THSD7A: variants seen among roughly 807,000 people sequenced by gnomAD.
THSD7A encodes thrombospondin type-1 domain-containing protein 7A.
In THSD7A, 96 loss-of-function variants were observed where a neutral mutation model predicts 231.3. The observed-to-expected ratio is 0.41, with a 90% CI of 0.35 to 0.49. The LOEUF (loss-of-function observed/expected upper bound fraction) is 0.49. Among genes scored for constraint, THSD7A ranks in the 20% least tolerant of loss-of-function variants. The pLI is 0.05. For missense variants in THSD7A, 2,290 were observed against 2,070.2 expected (o/e 1.11, Z -2.06); for synonymous variants, 940 against 743.3 (o/e 1.26, Z -4.30).
At chr7:11,645,441 A>T (rs1163959526) in intron 1 of THSD7A, among the ~76,000 whole-genome samples, 1 of 151,854 alleles carries the variant, frequency 6.6e-6, no homozygotes, top group Non-Finnish European at 1.5e-5. Context: ...TATATTTTTA[A>T]ATACAGAGAT....
chr7:11,511,227 G>A (rs1787795017), intron 6 of THSD7A, among the ~76,000 whole-genome samples: 1 of 152,074 alleles, frequency 6.6e-6, no homozygotes, highest in Non-Finnish European at 1.5e-5. Flanking sequence ...AACTTACAAG[G>A]GATGTGAAGG....
At chr7:11,473,348 A>G (rs978383530) in intron 8 of THSD7A, among the ~76,000 whole-genome samples, 16 of 152,258 alleles carry the variant, frequency 1.1e-4, no homozygotes, top group South Asian at 4.1e-4. Context: ...TTAGATTACT[A>G]TTATATGTTT....
chr7:11,773,278 A>C (rs528089645), intron 1 of THSD7A, among the ~76,000 whole-genome samples: 2 of 152,338 alleles, frequency 1.3e-5, no homozygotes, highest in Non-Finnish European at 2.9e-5. Flanking sequence ...TCACGCCTGT[A>C]ATCTCAGCAC....
chr7:11,709,785 G>A (rs1054590947), intron 1 of THSD7A, among the ~76,000 whole-genome samples: 1 of 150,768 alleles, frequency 6.6e-6, no homozygotes, highest in Non-Finnish European at 1.5e-5. Context: ...AAGCCACAGA[G>A]AATACAGCAA....
At chr7:11,466,179 T>C (rs148094343) in intron 9 of THSD7A, among the ~76,000 whole-genome samples, 73 of 152,272 alleles carry the variant, frequency 4.8e-4, no homozygotes, top group African/African-American at 1.6e-3. Context: ...AACATCTTTG[T>C]AAAATTTAGA....
intron 1 of THSD7A, among the ~76,000 whole-genome samples, chr7:11,803,022 AG>A (rs1225695083): frequency 1.5e-4 from 23 of 152,306 alleles, no homozygotes; most frequent in African/African-American, 4.8e-4. Flanking sequence ...TGATAAATCT[AG>A]AAAAGGAGAG....
intron 19 of THSD7A, among the ~76,000 whole-genome samples, chr7:11,410,044 A>G (rs1783727552): frequency 6.6e-6 from 1 of 152,164 alleles, no homozygotes; most frequent in African/African-American, 2.4e-5. Context: ...ACTCGGCTCA[A>G]TACTGACATT....
chr7:11,530,678 C>T (rs570193148), intron 6 of THSD7A, among the ~76,000 whole-genome samples: 37 of 152,202 alleles, frequency 2.4e-4, no homozygotes, highest in Admixed American at 2.0e-3. Flanking sequence ...TTCTGCAATT[C>T]CCAAATGGAC....
At chr7:11,568,390 C>T (rs1790457169) in intron 4 of THSD7A, among the ~76,000 whole-genome samples, 1 of 151,890 alleles carries the variant, frequency 6.6e-6, no homozygotes, top group South Asian at 2.1e-4. Context: ...ACTCTGGAGG[C>T]CGAGGCAGGC....
At chr7:11,409,429 T>C (rs1783704688) in intron 19 of THSD7A, among the ~76,000 whole-genome samples, 1 of 152,324 alleles carries the variant, frequency 6.6e-6, no homozygotes, top group East Asian at 1.9e-4. Context: ...TCAAATATTG[T>C]AGTATTTGCA....
chr7:11,552,162 G>T (rs1383172318), intron 4 of THSD7A, among the ~76,000 whole-genome samples: 1 of 152,026 alleles, frequency 6.6e-6, no homozygotes, highest in Non-Finnish European at 1.5e-5. Flanking sequence ...CTACCTGAGG[G>T]TGTAAGGTGG....
intron 1 of THSD7A, among the ~76,000 whole-genome samples, chr7:11,768,341 G>C (rs1783095008): frequency 6.6e-6 from 1 of 152,136 alleles, no homozygotes; most frequent in Non-Finnish European, 1.5e-5. Context: ...CGTGTTTCAA[G>C]AGCTAACATC....
At chr7:11,437,179 G>A (rs1482631239) in intron 13 of THSD7A, among the ~76,000 whole-genome samples, 1 of 152,040 alleles carries the variant, frequency 6.6e-6, no homozygotes, top group South Asian at 2.1e-4. Flanking sequence ...ATGATATGAA[G>A]TAGTAGATGA....
At chr7:11,638,277 G>T (rs887850159) in intron 1 of THSD7A, among the ~76,000 whole-genome samples, 1 of 152,202 alleles carries the variant, frequency 6.6e-6, no homozygotes, top group Non-Finnish European at 1.5e-5. Flanking sequence ...AAAGTGATTT[G>T]CTGAGTTCAA....
intron 4 of THSD7A, among the ~76,000 whole-genome samples, chr7:11,553,302 AT>A (rs1474275224): frequency 2.6e-5 from 4 of 152,038 alleles, no homozygotes; most frequent in Admixed American, 1.3e-4. Context: ...TCCTTTGGTG[AT>A]TTTCATTATA....
At position 11,628,461 on chromosome 7, in the gene THSD7A, G is replaced by A. The variant is rs6951815; in HGVS notation, c.1022+7669C>T. On this transcript the variant is annotated intron_variant, in intron 2 of 27. Coordinates refer to ENST00000423059, the MANE Select transcript of THSD7A (RefSeq NM_015204.3). ...TGGTGCATGCCTTCTAATCCTTAAC[G>A]CTAGCAGCATTTTCTCTAGGAGGCC... Among the ~76,000 whole-genome samples the A allele has an allele frequency of 2.0e-4, 31 of 152,024 alleles. 1 individual carries two copies. The highest frequency in any genetic ancestry group is 7.2e-4 in the Admixed American group (11 of 15,276).
At chr7:11,660,997 T>C (rs567014413) in intron 1 of THSD7A, among the ~76,000 whole-genome samples, 1 of 151,536 alleles carries the variant, frequency 6.6e-6, no homozygotes, top group South Asian at 2.1e-4. Context: ...ACCCTGGAGG[T>C]ATTTCCCAAT....
intron 1 of THSD7A, among the ~76,000 whole-genome samples, chr7:11,666,867 T>C (rs1334564317): frequency 6.6e-6 from 1 of 152,054 alleles, no homozygotes; most frequent in African/African-American, 2.4e-5. Flanking sequence ...TGAAATTTTA[T>C]TACCAATTGC....
intron 1 of THSD7A, among the ~76,000 whole-genome samples, chr7:11,644,102 T>C (rs1039500707): frequency 6.6e-6 from 1 of 152,038 alleles, no homozygotes; most frequent in African/African-American, 2.4e-5. Context: ...TGTATTGTGG[T>C]TTCCAGAAAT....
Sources: allele counts gnomAD v4.1 joint callset (sites outside exome capture counted in the v4.1 genomes callset), GRCh38; gene constraint gnomAD v4.1.1; transcripts MANE v1.5; gene names NCBI Gene and HGNC (gene_info 2026-07-23, HGNC 2026-07-21).